Variants in ECM2 observed in about 807,000 individuals in gnomAD.
ECM2 encodes the protein extracellular matrix protein 2.
Under a neutral mutation model 67.5 loss-of-function variants are expected in ECM2, and 57 were observed. The ratio of observed to expected loss-of-function variants is 0.84; its 90% CI spans 0.68 to 1.05. The LOEUF is 1.05. ECM2 is among the 50% of genes least tolerant of loss of function. ECM2 has a pLI of 0.00. For synonymous variants in ECM2, 258 were observed against 294.5 expected (o/e 0.88, Z 1.27); for missense variants, 741 against 822.8 (o/e 0.90, Z 1.22).
At chr9:92,524,650 T>C (rs1403575519) in intron 1 of ECM2, among the ~76,000 whole-genome samples, 2 of 152,172 alleles carry the variant, frequency 1.3e-5, no homozygotes, top group Non-Finnish European at 2.9e-5. Flanking sequence ...TGTCAGTGTT[T>C]CCTGAGATGA....
chr9:92,535,477 T>C (rs1849111883), intron 1 of ECM2, among the ~76,000 whole-genome samples: 1 of 152,180 alleles, frequency 6.6e-6, no homozygotes, highest in South Asian at 2.1e-4. Flanking sequence ...TAAACCTTGA[T>C]TAACTTATTT....
intron 9 of ECM2, among the ~76,000 whole-genome samples, chr9:92,496,854 G>A (rs1269077323): frequency 6.6e-6 from 1 of 151,964 alleles, no homozygotes; most frequent in Admixed American, 6.6e-5. Context: ...GAATCTAGGA[G>A]GAAAATGGAA....
upstream of ECM2, among the ~76,000 whole-genome samples, chr9:92,541,218 C>T (rs1849310892): frequency 6.6e-6 from 1 of 152,184 alleles, no homozygotes; most frequent in Non-Finnish European, 1.5e-5. Flanking sequence ...AAGATTGCGC[C>T]ACTGCACGCC....
chr9:92,494,204 G>T, downstream of ECM2: 1 of 1,556,804 alleles, frequency 6.4e-7, no homozygotes, highest in Non-Finnish European at 8.7e-7. Context: ...ATCTGTCTCT[G>T]TGTCATCCCA....
chr9:92,543,128 AT>A, the ECM2 span, among the ~76,000 whole-genome samples: 1 of 152,134 alleles, frequency 6.6e-6, no homozygotes, highest in African/African-American at 2.4e-5. Context: ...GCTTTGTAGT[AT>A]ATTTTGATGT....
chr9:92,542,463 C>T, the ECM2 span, among the ~76,000 whole-genome samples: 1 of 151,280 alleles, frequency 6.6e-6, no homozygotes, highest in Non-Finnish European at 1.5e-5. Context: ...AAATAATTGC[C>T]TACACCAATA....
the ECM2 span, among the ~76,000 whole-genome samples, chr9:92,546,382 C>T: frequency 1.3e-5 from 2 of 152,322 alleles, no homozygotes; most frequent in East Asian, 3.9e-4. Flanking sequence ...TGCAATAAAT[C>T]TTGCTGCTGC....
At chr9:92,532,015 G>GTTTTTTTTTTTGTTTTTTTTTTTT (rs1848801440) in intron 1 of ECM2, among the ~76,000 whole-genome samples, 1 of 95,734 alleles carries the variant, frequency 1.0e-5, no homozygotes, top group African/African-American at 5.9e-5. Context: ...TTTATTTAAT[G>GTTTTTTTTTTTGTTTTTTTTTTTT]TTTTTTTTTT....
intron 9 of ECM2, among the ~76,000 whole-genome samples, chr9:92,497,501 G>A (rs1170565359): frequency 6.6e-6 from 1 of 152,016 alleles, no homozygotes; most frequent in African/African-American, 2.4e-5. Context: ...GCGTATCCTT[G>A]TAATCCCAGC....
rs1847369516 is a variant in ECM2 at position 92,511,940 on chromosome 9, C to T, written c.1170+71G>A. On this transcript the variant is annotated intron_variant, in intron 5 of 9. Coordinates refer to ENST00000344604, the MANE Select transcript of ECM2 (RefSeq NM_001393.4). ...AGAAGCATTTTCCTTTTCCTCCCTT[C>T]CCCATCTCCAACCAATGCAAGTCAT... is the stretch of plus-strand genomic sequence containing the variant. The T allele has an allele frequency of 9.4e-6, 11 of 1,173,882 alleles. No homozygotes were observed. In the South Asian group the frequency reaches 1.5e-4, roughly 16 times the overall value. The allele number at this position is 1,173,882 out of a possible 1,614,324, so 72.7% of individuals were successfully genotyped here. A position where few individuals can be genotyped will look rare whatever the true frequency, so the allele number is the denominator to read the frequency against.
At chr9:92,498,581 G>C (rs2131143577) in intron 9 of ECM2, among the ~76,000 whole-genome samples, 1 of 151,726 alleles carries the variant, frequency 6.6e-6, no homozygotes, top group Non-Finnish European at 1.5e-5. Context: ...AAAAAGAAAA[G>C]AGCAATTTCT....
intron 2 of ECM2, among the ~76,000 whole-genome samples, chr9:92,519,494 GAA>G (rs1408266699): frequency 6.6e-6 from 1 of 152,194 alleles, no homozygotes; most frequent in Non-Finnish European, 1.5e-5. Context: ...ATGGAACACT[GAA>G]AGTCAGACAT....
Position 92,522,727 on chromosome 9 carries a change from T to C in ECM2, c.140A>G (p.His47Arg), listed in dbSNP as rs1216617862. ...RLRKSSTSHK[H>R]RSNRQLGIQQ... Reference sequence around the variant, plus strand: ...AATTCCAAGCTGTCTGTTTGATCTGTGCTTGTGTGAGGTTGAACTTTTCCT... The same window carrying C: ...AATTCCAAGCTGTCTGTTTGATCTGCGCTTGTGTGAGGTTGAACTTTTCCT... The change falls in exon 2 of 10, where the codon CAC becomes CGC. Residue 47 changes from histidine to arginine, a missense_variant. Transcript: ENST00000344604. 4 of 1,614,202 alleles carry C rather than the reference T, an allele frequency of 2.5e-6. No individual in the cohort carries two copies. The highest frequency in any genetic ancestry group is 3.3e-4 in the Middle Eastern group (2 of 6,060).
At chr9:92,537,072 C>T (rs1849198304), upstream of ECM2, among the ~76,000 whole-genome samples, 1 of 151,480 alleles carries the variant, frequency 6.6e-6, no homozygotes, top group Non-Finnish European at 1.5e-5. Context: ...GATGGGGTTT[C>T]ACCATGTTGG....
chr9:92,531,125 T>G (rs1157861115), intron 1 of ECM2, among the ~76,000 whole-genome samples: 1 of 152,214 alleles, frequency 6.6e-6, no homozygotes, highest in African/African-American at 2.4e-5. Context: ...TTATATTTAA[T>G]GTAAAATTTA....
intron 5 of ECM2, among the ~76,000 whole-genome samples, chr9:92,511,082 C>A (rs1458196665): frequency 6.6e-6 from 1 of 152,074 alleles, no homozygotes; most frequent in Non-Finnish European, 1.5e-5. Context: ...CAAACATAAA[C>A]CCCTTTTCTC....
chr9:92,500,405 A>G (rs949198928), intron 9 of ECM2, among the ~76,000 whole-genome samples: 8 of 152,154 alleles, frequency 5.3e-5, no homozygotes, highest in Non-Finnish European at 1.2e-4. Context: ...CTGGCCTCAG[A>G]CTCTTGAACT....
intron 7 of ECM2, among the ~76,000 whole-genome samples, chr9:92,503,473 CT>C (rs1310864697): frequency 6.6e-6 from 1 of 152,146 alleles, no homozygotes; most frequent in Non-Finnish European, 1.5e-5. Context: ...TTTAGATTTG[CT>C]TTTGTTATAA....
At chr9:92,537,044 ATT>A (rs112330831), upstream of ECM2, among the ~76,000 whole-genome samples, 1 of 142,562 alleles carries the variant, frequency 7.0e-6, no homozygotes, top group African/African-American at 2.6e-5. Context: ...TAATTTTTGT[ATT>A]TTTTTTTTTA....
Sources: gnomAD v4.1 joint callset for allele counts (sites outside exome capture counted in the v4.1 genomes callset) on GRCh38, gnomAD v4.1.1 for gene constraint, MANE v1.5 for transcripts, NCBI Gene and HGNC (gene_info 2026-07-23, HGNC 2026-07-21) for gene names.